The following TNIP1 variants were observed in gnomAD, a reference collection of about 807,000 sequenced individuals.
The protein encoded by TNIP1 is TNFAIP3-interacting protein 1.
Under a neutral mutation model 86.6 loss-of-function variants are expected in TNIP1, and 22 were observed. The observed-to-expected ratio is 0.25, with a 90% confidence interval of 0.18 to 0.36. The LOEUF (loss-of-function observed/expected upper bound fraction) is 0.36, where lower values mean the gene tolerates loss of function less well. TNIP1 is among the 10% of genes least tolerant of loss of function. The pLI is 1.00. For missense variants in TNIP1, 709 were observed against 820.6 expected, an observed-to-expected ratio of 0.86 and a Z score of 1.66; for synonymous variants, 294 against 313.0, an observed-to-expected ratio of 0.94 and a Z score of 0.64.
intron 8 of TNIP1, among the ~76,000 whole-genome samples, chr5:151,046,955 A>G (rs939604119): frequency 2.6e-5 from 4 of 152,254 alleles, no homozygotes; most frequent in African/African-American, 9.6e-5. Context: ...TCACCATTCC[A>G]TTACTACAGT....
intron 9 of TNIP1, among the ~76,000 whole-genome samples, chr5:151,044,415 A>G (rs1425079468): frequency 6.6e-6 from 1 of 152,136 alleles, no homozygotes; most frequent in African/African-American, 2.4e-5. Context: ...ATATACACAC[A>G]CGTATATGTA....
chr5:151,061,699 A>C (rs1424004837), intron 4 of TNIP1, among the ~76,000 whole-genome samples: 1 of 152,092 alleles, frequency 6.6e-6, no homozygotes, highest in African/African-American at 2.4e-5. Context: ...GCTGGTCTCA[A>C]ACTCCTGGGT....
chr5:151,042,478 C>A, intron 11 of TNIP1, 62 bp downstream of exon 11: 1 of 1,581,294 alleles, frequency 6.3e-7, no homozygotes, highest in Non-Finnish European at 8.6e-7. Flanking sequence ...TTGTTTGCTC[C>A]ACAGAACTCT....
In TNIP1 at chr5:151,035,002, C is replaced by T; in HGVS notation, c.1587G>A (p.Lys529=). The stretch of plus-strand genomic sequence containing the variant: ...TGCTACCTCCCTCAAGCCTCCTCAC[C>T]TTTGCTTTCCTCTTCTGCTGTCTGA... ...EALRQQKRKA[K]ASGERYHVEP... The change falls in exon 15 of 18, where the codon AAG becomes AAA. Residue 529 remains lysine, a splice_region_variant and synonymous_variant. Transcript: ENST00000521591. 6.2e-7 allele frequency: 1 copy of T among 1,614,130 alleles called. No homozygotes were observed. The highest frequency in any genetic ancestry group is 8.5e-7 in the Non-Finnish European group (1 of 1,179,984).
intron 1 of TNIP1, among the ~76,000 whole-genome samples, chr5:151,078,645 A>G (rs997375930): frequency 6.6e-6 from 1 of 152,236 alleles, no homozygotes; most frequent in Admixed American, 6.5e-5. Flanking sequence ...GGCCCCTCTG[A>G]GGAGCTGACA....
At chr5:151,052,056 G>T in intron 7 of TNIP1, 109 bp downstream of exon 7, 2 of 908,020 alleles carry the variant, frequency 2.2e-6, no homozygotes, top group Non-Finnish European at 1.7e-6. Flanking sequence ...AGGGCTCTGG[G>T]CACAGGGCCT....
intron 8 of TNIP1, 65 bp downstream of exon 8, chr5:151,049,759 G>C: frequency 6.3e-7 from 1 of 1,584,674 alleles, no homozygotes; most frequent in Admixed American, 1.7e-5. Context: ...TGTCACTGGA[G>C]GTGGTAAGCA....
At chr5:151,048,332 G>A (rs1015736370) in intron 8 of TNIP1, among the ~76,000 whole-genome samples, 2 of 152,150 alleles carry the variant, frequency 1.3e-5, no homozygotes, top group South Asian at 2.1e-4. Flanking sequence ...TGTTTACGAC[G>A]CTAAACCTAC....
intron 8 of TNIP1, among the ~76,000 whole-genome samples, chr5:151,046,619 G>C (rs1759204772): frequency 6.6e-6 from 1 of 151,980 alleles, no homozygotes; most frequent in African/African-American, 2.4e-5. Flanking sequence ...TAAAATATAA[G>C]GTGAGTTTGA....
chr5:151,080,719 C>A (rs535995732), intron 1 of TNIP1, among the ~76,000 whole-genome samples, 161 bp downstream of exon 1: 1 of 152,220 alleles, frequency 6.6e-6, no homozygotes, highest in Admixed American at 6.5e-5. Flanking sequence ...CGGCTCAGCC[C>A]GGCTTGGCCG....
At chr5:151,078,179 C>T (rs138046530) in intron 1 of TNIP1, among the ~76,000 whole-genome samples, 18 of 152,232 alleles carry the variant, frequency 1.2e-4, no homozygotes, top group African/African-American at 4.1e-4. Flanking sequence ...AAAGCCAGCT[C>T]CTTACGCACC....
chr5:151,050,732 C>T (rs1026534849), intron 7 of TNIP1, among the ~76,000 whole-genome samples: 5 of 152,126 alleles, frequency 3.3e-5, no homozygotes, highest in African/African-American at 1.2e-4. Context: ...TGCTCCTACT[C>T]AAGTAATCCT....
Position 151,030,126 on chromosome 5 carries a change from T to C in TNIP1, c.*587A>G, listed in dbSNP as rs1341157436. On this transcript the variant is annotated 3_prime_UTR_variant, in exon 18 of 18. Transcript: ENST00000521591. Reference sequence around the variant, plus strand: ...TCGGCGGACGTGGCTGGCATGGCCTTCTCCCATCTGTGATGGCTTCAGCAA... The same window carrying C: ...TCGGCGGACGTGGCTGGCATGGCCTCCTCCCATCTGTGATGGCTTCAGCAA... 1 of 456,842 alleles carries C rather than the reference T, an allele frequency of 2.2e-6. No individual in the cohort carries two copies. The highest frequency in any genetic ancestry group is 6.9e-5 in the East Asian group (1 of 14,510). The allele number at this position is 456,842 out of a possible 1,614,324, so 28.3% of individuals were successfully genotyped here.
At chr5:151,054,026 C>A (rs1760324083) in intron 6 of TNIP1, among the ~76,000 whole-genome samples, 1 of 152,226 alleles carries the variant, frequency 6.6e-6, no homozygotes, top group Non-Finnish European at 1.5e-5. Flanking sequence ...CAGGTGGATG[C>A]AACCATGTGA....
In TNIP1 at chr5:151,045,866, T is replaced by G; in HGVS notation, c.931A>C (p.Ser311Arg). The G allele has an allele frequency of 6.2e-7, 1 of 1,614,016 alleles. No homozygotes were observed. The highest frequency in any genetic ancestry group is 8.5e-7 in the Non-Finnish European group (1 of 1,180,020). ...CTGCCACCTCGGCCACCTACCTCAC[T>G]GCGCTGCTGCTCCAGCATCTTCACC... is the stretch of plus-strand genomic sequence containing the variant. ...KKVKMLEQQR[S>R]ELLEVNKQWD... The change falls in exon 9 of 18, where the codon AGT (serine) becomes CGT (arginine). Residue 311 changes from serine (S) to arginine (R), a missense_variant. Physicochemically the swap from Ser to Arg is moderately radical, Grantham distance 110. Coordinates refer to ENST00000521591, the MANE Select transcript of TNIP1 (RefSeq NM_006058.5).
chr5:151,039,810 G>C (rs1439420958), intron 11 of TNIP1, among the ~76,000 whole-genome samples: 1 of 152,248 alleles, frequency 6.6e-6, no homozygotes, highest in Non-Finnish European at 1.5e-5. Flanking sequence ...ATAAGGCAGA[G>C]AGTGCTCCTC....
chr5:151,051,423 G>A (rs548795226), intron 7 of TNIP1, among the ~76,000 whole-genome samples: 1 of 152,310 alleles, frequency 6.6e-6, no homozygotes, highest in East Asian at 1.9e-4. Context: ...AGTGCAGGCA[G>A]GAATTGTGGC....
At chr5:151,044,930 A>G (rs1173956660) in intron 9 of TNIP1, among the ~76,000 whole-genome samples, 1 of 152,156 alleles carries the variant, frequency 6.6e-6, no homozygotes, top group African/African-American at 2.4e-5. Context: ...GGACATTTAA[A>G]CTACCTAAAG....
intron 6 of TNIP1, among the ~76,000 whole-genome samples, chr5:151,053,022 A>G (rs535059513): frequency 6.6e-6 from 1 of 150,414 alleles, no homozygotes; most frequent in East Asian, 2.0e-4. Flanking sequence ...TTCAGTCGGG[A>G]CCTCACTATG....
Sources: gnomAD v4.1 joint callset for allele counts (sites outside exome capture counted in the v4.1 genomes callset) on GRCh38, gnomAD v4.1.1 for gene constraint, MANE v1.5 for transcripts, NCBI Gene and HGNC (gene_info 2026-07-23, HGNC 2026-07-21) for gene names.